MYO18B: variants seen among roughly 807,000 people sequenced by gnomAD.
MYO18B encodes the protein unconventional myosin-XVIIIb.
Under a neutral mutation model 273.0 loss-of-function variants are expected in MYO18B, and 204 were observed. That is an observed-to-expected ratio of 0.75 (90% CI 0.67 to 0.84). MYO18B has a LOEUF of 0.84. Ranked by LOEUF, MYO18B falls within the 40% of genes least tolerant of loss-of-function variation. MYO18B has a pLI of 0.00. For synonymous variants in MYO18B, 1,330 were observed against 1,305.7 expected (o/e 1.02, Z -0.40); for missense variants, 3,212 against 3,287.6 (o/e 0.98, Z 0.56).
chr22:25,866,784 C>CAAA (rs56260207), intron 21 of MYO18B, among the ~76,000 whole-genome samples: 30 of 40,178 alleles, frequency 7.5e-4, no homozygotes, highest in Non-Finnish European at 1.3e-3. Context: ...GACTCCGTCT[C>CAAA]AAAAAAAAAA....
In MYO18B at chr22:25,811,586, C is replaced by T. The variant is rs145262485; in HGVS notation, c.2522-11919C>T. ...AAGTGGTTGGTTATTGCTTTTTATG[C>T]CAGTGGGTTCACACCACCTTTGTTC... On this transcript the variant is annotated intron_variant, in intron 12 of 43. Coordinates refer to ENST00000335473, the MANE Select transcript of MYO18B (RefSeq NM_032608.7). Among the ~76,000 whole-genome samples, 206 of 152,286 alleles carry T rather than the reference C, an allele frequency of 1.4e-3. 1 individual carries two copies. Among genetic ancestry groups the T allele is most frequent in the African/African-American group, 4.8e-3 (198 of 41,566 alleles).
chr22:25,815,659 C>G (rs1041232425), intron 12 of MYO18B, among the ~76,000 whole-genome samples: 2 of 152,180 alleles, frequency 1.3e-5, no homozygotes, highest in African/African-American at 4.8e-5. Flanking sequence ...ATCCATCTTT[C>G]TCCTCCAGCT....
chr22:25,765,065 C>A (rs190605203), intron 3 of MYO18B, among the ~76,000 whole-genome samples: 1 of 152,096 alleles, frequency 6.6e-6, no homozygotes, highest in East Asian at 1.9e-4. Context: ...TTGACACCAG[C>A]AGCGCTGGTG....
At chr22:25,747,268 A>G (rs987743558) in intron 1 of MYO18B, among the ~76,000 whole-genome samples, 11 of 152,240 alleles carry the variant, frequency 7.2e-5, no homozygotes, top group Non-Finnish European at 2.9e-5. Flanking sequence ...TGGAAATGGC[A>G]AATACTTGGC....
intron 1 of MYO18B, among the ~76,000 whole-genome samples, chr22:25,743,329 C>A (rs2085684295): frequency 6.6e-6 from 1 of 152,194 alleles, no homozygotes; most frequent in African/African-American, 2.4e-5. Context: ...GGTGCTGTAT[C>A]CATTGCTGAC....
intron 13 of MYO18B, 128 bp from the exon 14 acceptor site, chr22:25,826,281 A>G: frequency 3.2e-6 from 2 of 632,106 alleles, no homozygotes; most frequent in South Asian, 2.2e-5. Flanking sequence ...AAATAATTTT[A>G]GCAGTGGAGG....
chr22:25,930,356 C>T (rs928680895), intron 34 of MYO18B, among the ~76,000 whole-genome samples: 3 of 151,842 alleles, frequency 2.0e-5, no homozygotes, highest in Admixed American at 2.0e-4. Flanking sequence ...TAGTAAAAGA[C>T]TTAGCCAAAG....
chr22:25,820,653 A>G (rs1278683939), intron 12 of MYO18B, among the ~76,000 whole-genome samples: 2 of 152,174 alleles, frequency 1.3e-5, no homozygotes, highest in Non-Finnish European at 2.9e-5. Flanking sequence ...ATCTTGAACA[A>G]TTATCATTTA....
intron 1 of MYO18B, among the ~76,000 whole-genome samples, chr22:25,746,009 A>G (rs1260928486): frequency 6.6e-6 from 1 of 152,202 alleles, no homozygotes; most frequent in Admixed American, 6.5e-5. Flanking sequence ...GAGTGACCCC[A>G]GGTTATCCAG....
intron 9 of MYO18B, among the ~76,000 whole-genome samples, chr22:25,781,437 G>A (rs2087145038): frequency 1.3e-5 from 2 of 152,040 alleles, no homozygotes; most frequent in South Asian, 2.1e-4. Context: ...GTGAAACCCC[G>A]TCTCTACTAA....
intron 34 of MYO18B, among the ~76,000 whole-genome samples, chr22:25,941,381 A>G (rs1031662327): frequency 1.3e-5 from 2 of 152,184 alleles, no homozygotes; most frequent in African/African-American, 2.4e-5. Flanking sequence ...GTGAACATCA[A>G]TAATTCTTCC....
chr22:25,786,490 T>C (rs2087394052), intron 11 of MYO18B, among the ~76,000 whole-genome samples: 1 of 51,880 alleles, frequency 1.9e-5, no homozygotes. Context: ...GATATCCTGG[T>C]GCAAAAAAAA....
chr22:25,934,741 A>T (rs2092555071), intron 34 of MYO18B, among the ~76,000 whole-genome samples: 1 of 152,174 alleles, frequency 6.6e-6, no homozygotes, highest in African/African-American at 2.4e-5. Flanking sequence ...GTTTCTGATA[A>T]GCCTTTCCAA....
At position 26,026,616 on chromosome 22, in the gene MYO18B, G is replaced by T; in HGVS notation, c.6642G>T (p.Gln2214His). 1 of 1,613,816 alleles carries T rather than the reference G, an allele frequency of 6.2e-7. No homozygotes were observed. Among genetic ancestry groups the T allele is most frequent in the Non-Finnish European group, 8.5e-7 (1 of 1,179,880 alleles). ...GGGACGGCGAAGTGCTTGCCGTCCA[G>T]AGAAAGTCCACAGAGAGATTAGAAC... ...HFGDGEVLAV[Q>H]RKSTERLEPA... The change falls in exon 43 of 44, where the codon CAG (glutamine) becomes CAT (histidine). Residue 2214 changes from glutamine to histidine, a missense_variant. Coordinates refer to ENST00000335473, the MANE Select transcript of MYO18B (RefSeq NM_032608.7).
At chr22:25,881,369 A>G (rs953274424) in intron 25 of MYO18B, among the ~76,000 whole-genome samples, 4 of 152,226 alleles carry the variant, frequency 2.6e-5, no homozygotes, top group African/African-American at 7.2e-5. Flanking sequence ...AAAAGACTGT[A>G]AGGGGGAGAA....
intron 34 of MYO18B, among the ~76,000 whole-genome samples, chr22:25,926,257 C>T (rs769136798): frequency 2.6e-4 from 39 of 151,490 alleles, no homozygotes; most frequent in Non-Finnish European, 3.5e-4. Flanking sequence ...CCTTCACATT[C>T]GCTCACTGTG....
At chr22:25,863,874 A>G (rs1409317502) in intron 21 of MYO18B, among the ~76,000 whole-genome samples, 1 of 152,174 alleles carries the variant, frequency 6.6e-6, no homozygotes, top group Admixed American at 6.5e-5. Context: ...GGAGCCAGGA[A>G]TATGTGGGAA....
chr22:26,002,790 G>A (rs1601808128), intron 40 of MYO18B, among the ~76,000 whole-genome samples: 1 of 151,968 alleles, frequency 6.6e-6, no homozygotes, highest in African/African-American at 2.4e-5. Flanking sequence ...GTTGAATGGA[G>A]GGATGCTCTC....
At chr22:25,817,221 T>TTTCG (rs747087990) in intron 12 of MYO18B, among the ~76,000 whole-genome samples, 1 of 150,850 alleles carries the variant, frequency 6.6e-6, no homozygotes, top group South Asian at 2.1e-4. Context: ...TCTTTCTTTC[T>TTTCG]TTCGTTCTTT....
Sources: allele counts gnomAD v4.1 joint callset (sites outside exome capture counted in the v4.1 genomes callset), GRCh38; gene constraint gnomAD v4.1.1; transcripts MANE v1.5; gene names NCBI Gene and HGNC (gene_info 2026-07-23, HGNC 2026-07-21).